The following MARCHF1 variants were observed in gnomAD, a reference collection of about 807,000 sequenced individuals.
MARCHF1 encodes the protein E3 ubiquitin-protein ligase MARCHF1.
MARCHF1 carries 40 observed loss-of-function variants against 54.2 expected under a neutral mutation model. The observed-to-expected ratio is 0.74, with a 90% CI of 0.57 to 0.96. MARCHF1 has a LOEUF of 0.96. MARCHF1 is among the 40% of genes least tolerant of loss of function. MARCHF1 has a pLI of 0.00. For synonymous variants in MARCHF1, 236 were observed against 236.3 expected (o/e 1.00, Z 0.01); for missense variants, 586 against 656.5 (o/e 0.89, Z 1.17).
At chr4:163,596,049 A>G (rs1253206406) in intron 7 of MARCHF1, among the ~76,000 whole-genome samples, 1 of 152,070 alleles carries the variant, frequency 6.6e-6, no homozygotes, top group Non-Finnish European at 1.5e-5. Flanking sequence ...AAAGTCAATA[A>G]CAATGAGAAC....
chr4:164,350,886 G>A (rs1247818247), intron 1 of MARCHF1, among the ~76,000 whole-genome samples: 3 of 152,010 alleles, frequency 2.0e-5, no homozygotes, highest in Non-Finnish European at 4.4e-5. Flanking sequence ...CAGACAGTGG[G>A]CGCAGGCGAG....
rs899994780 is a variant in MARCHF1 at position 163,790,395 on chromosome 4, G to T, written c.111+63626C>A. Among the ~76,000 whole-genome samples the T allele has an allele frequency of 2.0e-5, 3 of 152,146 alleles. No homozygotes were observed. The South Asian group carries it at 6.2e-4, about 32-fold the overall frequency. Reference sequence around the variant, plus strand: ...AACCACTTGATAGAAGGAAAATGCTGAAATGACAAAAATCTGACTTCCATC... The same window carrying T: ...AACCACTTGATAGAAGGAAAATGCTTAAATGACAAAAATCTGACTTCCATC... On this transcript the variant is annotated intron_variant, in intron 4 of 9. Transcript: ENST00000514618.
At chr4:163,616,286 C>T (rs1254516950) in intron 5 of MARCHF1, among the ~76,000 whole-genome samples, 2 of 151,914 alleles carry the variant, frequency 1.3e-5, no homozygotes, top group Non-Finnish European at 2.9e-5. Flanking sequence ...CTCTGCACAA[C>T]AAAGAAAACA....
At chr4:163,704,639 TATA>T (rs1321907140) in intron 4 of MARCHF1, among the ~76,000 whole-genome samples, 1 of 151,682 alleles carries the variant, frequency 6.6e-6, no homozygotes, top group African/African-American at 2.4e-5. Context: ...GATACTTTTA[TATA>T]ATACTTGGTC....
intron 2 of MARCHF1, among the ~76,000 whole-genome samples, chr4:164,025,845 A>G (rs2110978932): frequency 6.6e-6 from 1 of 152,126 alleles, no homozygotes; most frequent in East Asian, 1.9e-4. Flanking sequence ...ATTAACAAAG[A>G]AAAAAATATT....
At chr4:163,579,394 TC>T (rs1429867616) in intron 8 of MARCHF1, among the ~76,000 whole-genome samples, 1 of 152,222 alleles carries the variant, frequency 6.6e-6, no homozygotes, top group African/African-American at 2.4e-5. Flanking sequence ...GAAATATTTT[TC>T]TTTTAATAAT....
At chr4:163,824,123 G>A (rs910086952) in intron 4 of MARCHF1, among the ~76,000 whole-genome samples, 1 of 151,856 alleles carries the variant, frequency 6.6e-6, no homozygotes, top group Admixed American at 6.6e-5. Flanking sequence ...GACAATTAGT[G>A]CATATAGTCT....
chr4:163,585,712 A>G, intron 8 of MARCHF1, 37 bp downstream of exon 8: 1 of 1,461,106 alleles, frequency 6.8e-7, no homozygotes. Flanking sequence ...TGCTTTGCAA[A>G]TGGTCCCTCC....
chr4:163,964,912 C>A (rs1752412115), intron 3 of MARCHF1, among the ~76,000 whole-genome samples: 1 of 151,934 alleles, frequency 6.6e-6, no homozygotes, highest in South Asian at 2.1e-4. Flanking sequence ...GTGCCCGACA[C>A]CGTGACTGAA....
chr4:163,718,235 AGGCGTG>A (rs1269899201), intron 4 of MARCHF1, among the ~76,000 whole-genome samples: 53 of 152,238 alleles, frequency 3.5e-4, no homozygotes, highest in Non-Finnish European at 2.9e-5. Context: ...TTCAGGACAT[AGGCGTG>A]GGCAAGGACA....
At chr4:164,145,517 T>C (rs1026013758) in intron 1 of MARCHF1, among the ~76,000 whole-genome samples, 4 of 151,792 alleles carry the variant, frequency 2.6e-5, no homozygotes, top group Non-Finnish European at 5.9e-5. Flanking sequence ...GCTGGTTCAA[T>C]ATACACAAAT....
At chr4:164,242,546 C>A (rs1480309919) in intron 1 of MARCHF1, among the ~76,000 whole-genome samples, 3 of 151,562 alleles carry the variant, frequency 2.0e-5, no homozygotes. Flanking sequence ...AACAGAAAAA[C>A]TGGAAACTCT....
chr4:163,621,496 A>AT lies in MARCHF1; in HGVS notation c.163-8104dup, dbSNP rs568478346. 1.8e-4 allele frequency among the ~76,000 whole-genome samples: 27 copies of AT among 152,132 alleles called. No homozygotes were observed. In the East Asian group the frequency reaches 5.0e-3, roughly 28 times the overall value. ...TATCCTACTTAGAATTTTGTATTAG[A>AT]TTTTTTTCTGAGATTTCAGTGAGAG... On this transcript the variant is annotated intron_variant, in intron 5 of 9. Transcript: ENST00000514618.
intron 4 of MARCHF1, among the ~76,000 whole-genome samples, chr4:163,722,570 G>T (rs566715289): frequency 6.6e-6 from 1 of 152,256 alleles, no homozygotes; most frequent in Non-Finnish European, 1.5e-5. Context: ...GTTGAGTTCA[G>T]TTCCTGGATA....
chr4:163,701,723 T>A (rs1290699620), intron 4 of MARCHF1, among the ~76,000 whole-genome samples: 1 of 152,200 alleles, frequency 6.6e-6, no homozygotes, highest in Non-Finnish European at 1.5e-5. Flanking sequence ...AAAGGACACC[T>A]CTACTTCTGT....
At chr4:164,195,767 T>C (rs986579737) in intron 1 of MARCHF1, among the ~76,000 whole-genome samples, 2 of 152,210 alleles carry the variant, frequency 1.3e-5, no homozygotes, top group African/African-American at 2.4e-5. Flanking sequence ...TTGGACACCT[T>C]AGAGTTTACT....
intron 5 of MARCHF1, among the ~76,000 whole-genome samples, chr4:163,615,378 A>G (rs2110940052): frequency 6.6e-6 from 1 of 152,250 alleles, no homozygotes; most frequent in East Asian, 1.9e-4. Flanking sequence ...GATGCAGTAA[A>G]TTTGCAGGAT....
At chr4:163,742,546 G>A (rs550209394) in intron 4 of MARCHF1, among the ~76,000 whole-genome samples, 8 of 151,400 alleles carry the variant, frequency 5.3e-5, no homozygotes, top group Non-Finnish European at 8.8e-5. Context: ...GCATGATCAC[G>A]GCTTACTGCA....
chr4:164,096,436 G>C (rs532040498), intron 2 of MARCHF1, among the ~76,000 whole-genome samples: 2 of 151,918 alleles, frequency 1.3e-5, no homozygotes, highest in Non-Finnish European at 2.9e-5. Context: ...AAGGAAGGAG[G>C]GAAAGGGCTG....
Sources: gnomAD v4.1 joint callset for allele counts (sites outside exome capture counted in the v4.1 genomes callset) on GRCh38, gnomAD v4.1.1 for gene constraint, MANE v1.5 for transcripts, NCBI Gene and HGNC (gene_info 2026-07-23, HGNC 2026-07-21) for gene names.